The following UNC5D variants were observed in gnomAD, a reference collection of about 807,000 sequenced individuals.
UNC5D encodes the protein netrin receptor UNC5D.
UNC5D carries 39 observed loss-of-function variants against 105.4 expected under a neutral mutation model. The observed-to-expected ratio is 0.37, with a 90% CI of 0.29 to 0.48. UNC5D has a LOEUF of 0.48. UNC5D is among the 20% of genes least tolerant of loss of function. The pLI is 0.98. For synonymous variants in UNC5D, 452 were observed against 450.4 expected (o/e 1.00, Z -0.04); for missense variants, 991 against 1,202.4 (o/e 0.82, Z 2.60).
intron 16 of UNC5D, among the ~76,000 whole-genome samples, chr8:35,777,216 T>G (rs981138026): frequency 6.6e-6 from 1 of 152,188 alleles, no homozygotes; most frequent in Non-Finnish European, 1.5e-5. Context: ...ATCGCATCAC[T>G]GCGCTCCAGC....
chr8:35,728,722 AT>A (rs1829028250), intron 10 of UNC5D, among the ~76,000 whole-genome samples: 1 of 152,196 alleles, frequency 6.6e-6, no homozygotes, highest in South Asian at 2.1e-4. Context: ...CCTAGCAATG[AT>A]TTCTCCAAAA....
intron 1 of UNC5D, among the ~76,000 whole-genome samples, chr8:35,273,604 A>C (rs1328757021): frequency 6.6e-6 from 1 of 152,234 alleles, no homozygotes; most frequent in Non-Finnish European, 1.5e-5. Flanking sequence ...GGTGGATTTC[A>C]GAAGTATTTT....
intron 1 of UNC5D, among the ~76,000 whole-genome samples, chr8:35,329,750 G>A (rs1213403014): frequency 1.3e-5 from 2 of 152,128 alleles, no homozygotes; most frequent in East Asian, 1.9e-4. Context: ...CAGAGTTTAT[G>A]GCTTCACCCC....
intron 1 of UNC5D, among the ~76,000 whole-genome samples, chr8:35,459,333 G>A (rs954387434): frequency 4.6e-5 from 7 of 152,170 alleles, no homozygotes; most frequent in Non-Finnish European, 1.0e-4. Flanking sequence ...AACTGGAAAT[G>A]ATATTGTTGC....
At chr8:35,721,530 G>A (rs894886162) in intron 8 of UNC5D, 1 of 702,830 alleles carries the variant, frequency 1.4e-6, no homozygotes, top group Admixed American at 2.0e-5. Context: ...TAAATTATTA[G>A]AGTCTAGCAT....
chr8:35,436,131 C>A (rs1733704695), intron 1 of UNC5D, among the ~76,000 whole-genome samples: 2 of 151,918 alleles, frequency 1.3e-5, no homozygotes, highest in African/African-American at 4.8e-5. Flanking sequence ...TAAGTTATAA[C>A]TGATTGTAAG....
At chr8:35,654,272 G>T (rs768905872) in intron 4 of UNC5D, among the ~76,000 whole-genome samples, 3 of 152,158 alleles carry the variant, frequency 2.0e-5, no homozygotes, top group Non-Finnish European at 2.9e-5. Context: ...TTGGAGAATA[G>T]ACTTTGGGTG....
chr8:35,654,633 C>A (rs988917848), intron 4 of UNC5D, among the ~76,000 whole-genome samples: 1 of 151,154 alleles, frequency 6.6e-6, no homozygotes, highest in Non-Finnish European at 1.5e-5. Context: ...GTTTTTTTTT[C>A]TTTTTTTCAT....
intron 8 of UNC5D, among the ~76,000 whole-genome samples, chr8:35,709,220 A>T (rs1190217265): frequency 6.6e-6 from 1 of 152,092 alleles, no homozygotes; most frequent in African/African-American, 2.4e-5. Flanking sequence ...CAAAACACAT[A>T]CAGCTTCTCC....
At chr8:35,444,546 C>T (rs538191075) in intron 1 of UNC5D, among the ~76,000 whole-genome samples, 134 of 151,484 alleles carry the variant, frequency 8.8e-4, no homozygotes, top group African/African-American at 3.1e-3. Context: ...CACACACTTT[C>T]TCTCTCTCTC....
At chr8:35,737,252 CTGTGTGTGTGTG>C (rs369792188) in intron 11 of UNC5D, among the ~76,000 whole-genome samples, 171 of 119,880 alleles carry the variant, frequency 1.4e-3, no homozygotes, top group Admixed American at 4.7e-3. Flanking sequence ...AAGATCTGCT[CTGTGTGTGTGTG>C]TGTGTGTGTG....
intron 1 of UNC5D, among the ~76,000 whole-genome samples, chr8:35,402,149 T>C (rs1049393889): frequency 6.6e-6 from 1 of 152,190 alleles, no homozygotes; most frequent in Non-Finnish European, 1.5e-5. Flanking sequence ...TTATAGAAGA[T>C]GTAATCTTTA....
intron 1 of UNC5D, among the ~76,000 whole-genome samples, chr8:35,475,020 T>C (rs1361205217): frequency 6.6e-6 from 1 of 152,154 alleles, no homozygotes; most frequent in Non-Finnish European, 1.5e-5. Flanking sequence ...TTGATTTCAG[T>C]GGTTCTCTCT....
At chr8:35,309,570 T>C (rs962498824) in intron 1 of UNC5D, among the ~76,000 whole-genome samples, 5 of 152,200 alleles carry the variant, frequency 3.3e-5, no homozygotes, top group African/African-American at 1.2e-4. Flanking sequence ...TAAAATTAAA[T>C]ATCAATCCCA....
intron 1 of UNC5D, among the ~76,000 whole-genome samples, chr8:35,243,128 A>C (rs1417693314): frequency 6.6e-6 from 1 of 152,190 alleles, no homozygotes; most frequent in Non-Finnish European, 1.5e-5. Flanking sequence ...ATAAACTCCC[A>C]GATGACACCA....
At chr8:35,273,548 A>C (rs2128838973) in intron 1 of UNC5D, among the ~76,000 whole-genome samples, 1 of 152,330 alleles carries the variant, frequency 6.6e-6, no homozygotes, top group East Asian at 1.9e-4. Context: ...GTGGTGGGAA[A>C]CACAGTGTTA....
At chr8:35,430,830 C>T (rs1339159591) in intron 1 of UNC5D, among the ~76,000 whole-genome samples, 2 of 152,120 alleles carry the variant, frequency 1.3e-5, no homozygotes, top group Non-Finnish European at 2.9e-5. Context: ...AGATCTACCT[C>T]AAAGCCCAGA....
intron 1 of UNC5D, among the ~76,000 whole-genome samples, chr8:35,318,461 C>T (rs1288170535): frequency 6.6e-6 from 1 of 152,058 alleles, no homozygotes; most frequent in Admixed American, 6.6e-5. Context: ...AAGCAGGCCT[C>T]ACTTTTTACT....
intron 1 of UNC5D, among the ~76,000 whole-genome samples, chr8:35,390,021 G>A (rs1233941916): frequency 2.0e-5 from 3 of 152,204 alleles, no homozygotes; most frequent in Admixed American, 6.5e-5. Flanking sequence ...TCTGCATGGT[G>A]TACAGGAAAC....
Sources: allele counts gnomAD v4.1 joint callset (sites outside exome capture counted in the v4.1 genomes callset), GRCh38; gene constraint gnomAD v4.1.1; transcripts MANE v1.5; gene names NCBI Gene and HGNC (gene_info 2026-07-23, HGNC 2026-07-21).